RALGAPA1: variants seen among roughly 807,000 people sequenced by gnomAD.
The protein encoded by RALGAPA1 is Ral GTPase activating protein catalytic subunit alpha 1.
Under a neutral mutation model 269.6 loss-of-function variants are expected in RALGAPA1, and 52 were observed. The ratio of observed to expected loss-of-function variants is 0.19; its 90% CI spans 0.15 to 0.24. The LOEUF is 0.24. Ranked by LOEUF, RALGAPA1 falls within the 10% of genes least tolerant of loss-of-function variation. RALGAPA1 has a pLI of 1.00. For missense variants in RALGAPA1, 1,917 were observed against 3,013.9 expected (o/e 0.64, Z 8.52); for synonymous variants, 817 against 1,008.3 (o/e 0.81, Z 3.60).
rs146856908 is a variant in RALGAPA1 at position 35,691,608 on chromosome 14, T to C, written c.2408-1605A>G. 5.7e-3 allele frequency among the ~76,000 whole-genome samples: 866 copies of C among 152,326 alleles called. 20 individuals are homozygous for C. Among genetic ancestry groups the C allele is most frequent in the Admixed American group, 0.032 (483 of 15,292 alleles). On this transcript the variant is annotated intron_variant, in intron 17 of 41. Coordinates refer to ENST00000680220, the MANE Select transcript of RALGAPA1 (RefSeq NM_001346249.2). ...AGATTTTGAGACTAGTTTCCTCATT[T>C]ATAAAATGGAGATAGTCATTCAAAG...
intron 35 of RALGAPA1, among the ~76,000 whole-genome samples, chr14:35,623,850 C>T (rs891405073): frequency 6.6e-6 from 1 of 152,110 alleles, no homozygotes; most frequent in South Asian, 2.1e-4. Context: ...GAGGCCAAGG[C>T]GGGTGGATCA....
chr14:35,689,115 C>T lies in RALGAPA1; in HGVS notation c.3296G>A (p.Arg1099His), dbSNP rs954751068. ...TGCTTTTAGTGTTGCTTTCTTGGCA[C>T]GCATAACATGTGGGACAGTGATTTT... ...NEKITVPHVM[R>H]AKKATLKAPV... The change falls in exon 18 of 42, where the codon CGT becomes CAT. Residue 1099 changes from arginine (R) to histidine (H), a missense_variant. By Grantham distance (29) the Arg-to-His change is conservative. Coordinates refer to ENST00000680220, the MANE Select transcript of RALGAPA1 (RefSeq NM_001346249.2). 64 of 1,235,224 alleles carry T rather than the reference C, an allele frequency of 5.2e-5. No homozygotes were observed. The Middle Eastern group carries it at 2.2e-3, about 42-fold the overall frequency. The allele number at this position is 1,235,224 out of a possible 1,614,324, so 76.5% of individuals were successfully genotyped here.
At chr14:35,758,049 G>C (rs2073344166) in intron 6 of RALGAPA1, among the ~76,000 whole-genome samples, 1 of 152,090 alleles carries the variant, frequency 6.6e-6, no homozygotes, top group South Asian at 2.1e-4. Context: ...AGGAGTTTGA[G>C]ATCAGCCTTG....
chr14:35,589,236 G>A (rs2058489104), intron 37 of RALGAPA1, among the ~76,000 whole-genome samples: 2 of 152,138 alleles, frequency 1.3e-5, no homozygotes, highest in Admixed American at 6.5e-5. Context: ...TCCTTAAACG[G>A]AGAGAGTCAT....
intron 12 of RALGAPA1, among the ~76,000 whole-genome samples, chr14:35,729,142 A>G (rs1300821937): frequency 6.6e-6 from 1 of 152,232 alleles, no homozygotes; most frequent in African/African-American, 2.4e-5. Flanking sequence ...CACCTAAATC[A>G]GGAAGAATTT....
chr14:35,761,482 G>C (rs1383501119), intron 5 of RALGAPA1, among the ~76,000 whole-genome samples: 1 of 151,492 alleles, frequency 6.6e-6, no homozygotes, highest in South Asian at 2.1e-4. Context: ...AAATTATTAA[G>C]TTACAATTAA....
At chr14:35,589,362 C>T (rs1346498159) in intron 37 of RALGAPA1, among the ~76,000 whole-genome samples, 1 of 152,012 alleles carries the variant, frequency 6.6e-6, no homozygotes, top group Non-Finnish European at 1.5e-5. Context: ...TAGTTAAGAA[C>T]AACATGCTGT....
At chr14:35,583,194 T>A (rs2058062681) in intron 37 of RALGAPA1, among the ~76,000 whole-genome samples, 1 of 152,050 alleles carries the variant, frequency 6.6e-6, no homozygotes, top group Non-Finnish European at 1.5e-5. Context: ...GCTATGGGGC[T>A]CTAATGGAAA....
At chr14:35,718,609 A>C (rs1020034865) in intron 16 of RALGAPA1, among the ~76,000 whole-genome samples, 3 of 152,082 alleles carry the variant, frequency 2.0e-5, no homozygotes, top group Non-Finnish European at 4.4e-5. Flanking sequence ...TAAAGTCAGG[A>C]GTTCGACACC....
chr14:35,716,057 T>C (rs1333792111), intron 16 of RALGAPA1: 5 of 984,924 alleles, frequency 5.1e-6, no homozygotes, highest in Non-Finnish European at 6.0e-6. Context: ...AAAAAGCCCC[T>C]TTCTTCCCAA....
intron 4 of RALGAPA1, chr14:35,767,184 T>A (rs576480185): frequency 5.8e-6 from 1 of 173,296 alleles, no homozygotes; most frequent in East Asian, 1.8e-4. Flanking sequence ...CCTATGAATA[T>A]TGCATAAAAT....
chr14:35,798,886 T>C lies in RALGAPA1; in HGVS notation c.106+9844A>G, dbSNP rs146578023. Among the ~76,000 whole-genome samples the C allele has an allele frequency of 5.3e-3, 808 of 151,976 alleles. 6 individuals carry two copies. The highest frequency in any genetic ancestry group is 5.2e-3 in the Non-Finnish European group (354 of 67,950). On this transcript the variant is annotated intron_variant, in intron 1 of 41. Coordinates refer to ENST00000680220, the MANE Select transcript of RALGAPA1 (RefSeq NM_001346249.2). ...TGGTACATGCCTGTAATCCCAGCTA[T>C]TTTGCAGACTGAGGCAAAAGAATCG...
intron 33 of RALGAPA1, among the ~76,000 whole-genome samples, chr14:35,632,402 T>A (rs2061411710): frequency 2.0e-5 from 3 of 152,174 alleles, no homozygotes; most frequent in African/African-American, 7.2e-5. Context: ...ATTGTCAGAT[T>A]AAACAAATCC....
intron 35 of RALGAPA1, among the ~76,000 whole-genome samples, chr14:35,610,031 A>T (rs2059833074): frequency 6.6e-6 from 1 of 151,790 alleles, no homozygotes; most frequent in African/African-American, 2.4e-5. Flanking sequence ...ATAAAATAGA[A>T]GAGAAAAACA....
intron 4 of RALGAPA1, among the ~76,000 whole-genome samples, chr14:35,769,278 T>C (rs1489108722): frequency 2.6e-5 from 4 of 151,844 alleles, no homozygotes; most frequent in African/African-American, 9.7e-5. Flanking sequence ...AATGAAATCA[T>C]GTCCGGTGCA....
chr14:35,633,045 G>T (rs1339318705), intron 33 of RALGAPA1, among the ~76,000 whole-genome samples: 1 of 152,140 alleles, frequency 6.6e-6, no homozygotes, highest in African/African-American at 2.4e-5. Context: ...CAGAGTATTT[G>T]ATATCAATAT....
chr14:35,647,948 T>C (rs2062560066), intron 31 of RALGAPA1, among the ~76,000 whole-genome samples: 1 of 149,896 alleles, frequency 6.7e-6, no homozygotes. Context: ...ACTCCGTCTC[T>C]AAATAAATAA....
chr14:35,599,220 C>G (rs1594760255), intron 36 of RALGAPA1, among the ~76,000 whole-genome samples: 1 of 152,270 alleles, frequency 6.6e-6, no homozygotes. Flanking sequence ...ATAATTAAGA[C>G]AACTCAAGAT....
intron 21 of RALGAPA1, among the ~76,000 whole-genome samples, chr14:35,681,865 T>C (rs1298581860): frequency 1.1e-4 from 17 of 152,208 alleles, no homozygotes. Flanking sequence ...TTTTTTCTTT[T>C]TTAGAATGTT....
Sources: gnomAD v4.1 joint callset for allele counts (sites outside exome capture counted in the v4.1 genomes callset) on GRCh38, gnomAD v4.1.1 for gene constraint, MANE v1.5 for transcripts, NCBI Gene and HGNC (gene_info 2026-07-23, HGNC 2026-07-21) for gene names.